Variants in DDX49 observed in about 807,000 individuals in gnomAD.
DDX49 encodes DEAD-box helicase 49, also known as probable ATP-dependent RNA helicase DDX49.
DDX49 carries 50 observed loss-of-function variants against 56.3 expected under a neutral mutation model. The observed-to-expected ratio is 0.89, with a 90% CI of 0.71 to 1.12. The LOEUF (loss-of-function observed/expected upper bound fraction) is 1.12, where lower values mean the gene tolerates loss of function less well. Ranked by LOEUF, DDX49 falls within the 50% of genes most tolerant of loss-of-function variation. The pLI, the probability that DDX49 is intolerant of heterozygous loss-of-function variation, is 0.00. For missense variants in DDX49, 614 were observed against 650.5 expected, an observed-to-expected ratio of 0.94 and a Z score of 0.61; for synonymous variants, 269 against 270.6, an observed-to-expected ratio of 0.99 and a Z score of 0.06.
chr19:18,923,042 C>G (rs2056932252), intron 6 of DDX49, among the ~76,000 whole-genome samples: 1 of 152,216 alleles, frequency 6.6e-6, no homozygotes, highest in Non-Finnish European at 1.5e-5. Flanking sequence ...TTAGTCCCAT[C>G]TCAGAGGAAG....
rs1320991782 is a variant in DDX49 at position 18,927,786 on chromosome 19, T to C, written c.1123T>C (p.Ser375Pro). 3.1e-6 allele frequency: 5 copies of C among 1,613,670 alleles called. No individual in the cohort carries two copies. In the African/African-American group the frequency reaches 6.7e-5, roughly 22 times the overall value. Reference sequence around the variant, plus strand: ...CACAGAGAAGAAGCTGGAGGAGTTCTCCGTGGAAGAGGCCGAGGTGCTACA... The same window carrying C: ...CACAGAGAAGAAGCTGGAGGAGTTCCCCGTGGAAGAGGCCGAGGTGCTACA... Reference protein sequence around the residue: ...EQIKKKLEEFSVEEAEVLQIL... With the variant: ...EQIKKKLEEFPVEEAEVLQIL... The change falls in exon 11 of 13, where the codon TCC becomes CCC. Residue 375 changes from serine to proline, a missense_variant. Transcript: ENST00000247003.
intron 1 of DDX49, 69 bp downstream of exon 1, chr19:18,919,925 C>A: frequency 1.6e-6 from 2 of 1,259,864 alleles, no homozygotes; most frequent in Non-Finnish European, 1.1e-6. Flanking sequence ...CTTCTCGCAA[C>A]CTTTGCTTAT....
intron 1 of DDX49, 67 bp downstream of exon 1, chr19:18,919,923 A>G (rs1417031530): frequency 3.1e-6 from 4 of 1,275,046 alleles, no homozygotes; most frequent in Non-Finnish European, 4.3e-6. Context: ...CCCTTCTCGC[A>G]ACCTTTGCTT....
Position 18,922,451 on chromosome 19 carries a change from C to CA in DDX49, c.574dup (p.Thr192AsnfsTer37). 3.7e-6 allele frequency: 6 copies of CA among 1,604,698 alleles called. No individual in the cohort carries two copies. The highest frequency in any genetic ancestry group is 1.3e-5 in the African/African-American group (1 of 75,006). On this transcript the variant is annotated frameshift_variant, in exon 5 of 13. Transcript: ENST00000247003. LOFTEE classifies it high-confidence loss of function. ...TGCTGTTCAGCGCCACGCTGACCGA[C>CA]ACACTCCGGGAGCTGCAGGGTCTGG... is the stretch of plus-strand genomic sequence containing the variant.
At chr19:18,926,695 TG>T (rs984718870) in intron 10 of DDX49, among the ~76,000 whole-genome samples, 9 of 152,250 alleles carry the variant, frequency 5.9e-5, no homozygotes, top group Non-Finnish European at 1.3e-4. Context: ...TAAAAACCCC[TG>T]GGAATGGTTT....
rs780497270 is a variant in DDX49 at position 18,924,325 on chromosome 19, G to GC, written c.852+20dup. The GC allele has an allele frequency of 1.3e-6, 2 of 1,587,254 alleles. No individual in the cohort carries two copies. The highest frequency in any genetic ancestry group is 1.1e-5 in the South Asian group (1 of 90,270). On this transcript the variant is annotated intron_variant, in intron 7 of 12. Coordinates refer to ENST00000247003, the MANE Select transcript of DDX49 (RefSeq NM_019070.5). ...ATGAAGCAGGTGAGGCCACCCTGGG[G>GC]CCCGCCAGCCTCACCCTGGGATACC...
At chr19:18,925,098 G>A in intron 9 of DDX49, 119 bp downstream of exon 9, 1 of 1,313,794 alleles carries the variant, frequency 7.6e-7, no homozygotes, top group Non-Finnish European at 1.0e-6. Context: ...TCAGGGCCAT[G>A]TTTGCAAGTT....
In DDX49 at chr19:18,922,399, C is replaced by T. The variant is rs199502364; in HGVS notation, c.521C>T (p.Ala174Val). 54 of 1,610,626 alleles carry T rather than the reference C, an allele frequency of 3.4e-5. 1 individual carries two copies. The Middle Eastern group carries it at 5.0e-4, about 15-fold the overall frequency. ...ACCGTGGACCTGGAGGCCATCCTGG[C>T]GGCTGTGCCGGCCCGCAGGCAGACA... The part of the protein sequence containing the change: ...DFTVDLEAIL[A>V]AVPARRQTLL... The change falls in exon 5 of 13, where the codon GCG becomes GTG. Residue 174 changes from alanine (A) to valine (V), a missense_variant. Physicochemically the swap from Ala to Val is moderately conservative, Grantham distance 64 (BLOSUM62 0). Coordinates refer to ENST00000247003, the MANE Select transcript of DDX49 (RefSeq NM_019070.5).
chr19:18,919,865 G>C lies in DDX49; in HGVS notation c.115+9G>C. 6.4e-7 allele frequency: 1 copy of C among 1,563,406 alleles called. No individual in the cohort carries two copies. The highest frequency in any genetic ancestry group is 1.1e-5 in the South Asian group (1 of 88,244). On this transcript the variant is annotated intron_variant, in intron 1 of 12. Coordinates refer to ENST00000247003, the MANE Select transcript of DDX49 (RefSeq NM_019070.5). ...CCCCGCCATCCTGGAGGGTGAGTAT[G>C]GCCCAGGGCCTTCCCCAAGAGGCCT...
intron 10 of DDX49, among the ~76,000 whole-genome samples, chr19:18,927,367 C>A (rs914484869): frequency 6.6e-6 from 1 of 151,938 alleles, no homozygotes; most frequent in Non-Finnish European, 1.5e-5. Context: ...AGAGTAAGAC[C>A]CTGTCTTCAA....
intron 5 of DDX49, 30 bp from the exon 6 acceptor site, chr19:18,922,574 A>C: frequency 6.2e-7 from 1 of 1,602,214 alleles, no homozygotes; most frequent in Non-Finnish European, 8.5e-7. Context: ...AGGGACACTG[A>C]GGCGTGGCGG....
Position 18,921,958 on chromosome 19 carries a change from C to A in DDX49, c.441C>A (p.Arg147=). The change falls in exon 4 of 13, where the codon CGC becomes CGA. Residue 147 remains arginine (R), a synonymous_variant. Coordinates refer to ENST00000247003, the MANE Select transcript of DDX49 (RefSeq NM_019070.5). The part of the protein sequence containing the change: ...SSNTFSIKKI[R]FLVMDEADRL... Reference sequence around the variant, plus strand: ...ACACTTTTAGTATAAAGAAGATCCGCTTCCTGGTGAGTTCGCCCCGCCCCT... The same window carrying A: ...ACACTTTTAGTATAAAGAAGATCCGATTCCTGGTGAGTTCGCCCCGCCCCT... 6.2e-7 allele frequency: 1 copy of A among 1,608,016 alleles called. No homozygotes were observed. Among genetic ancestry groups the A allele is most frequent in the Non-Finnish European group, 8.5e-7 (1 of 1,176,186 alleles).
intron 2 of DDX49, among the ~76,000 whole-genome samples, chr19:18,921,413 AG>A (rs1467492038): frequency 6.6e-6 from 1 of 152,116 alleles, no homozygotes; most frequent in East Asian, 1.9e-4. Flanking sequence ...GGGAAGGCAC[AG>A]GTTTGGGATA....
rs143787772 is a variant in DDX49, at chr19:18,924,669, G to A, written c.899G>A (p.Arg300Gln). The change falls in exon 8 of 13, where the codon CGG (arginine) becomes CAG (glutamine). Residue 300 changes from arginine to glutamine, a missense_variant. Transcript: ENST00000247003. ...GCCAAGTTCAAGTCCAGCATCTACC[G>A]GATCCTGATCGCAACAGACGTGGCC... is the stretch of plus-strand genomic sequence containing the variant. ...ALAKFKSSIY[R>Q]ILIATDVASR... 4.0e-5 allele frequency: 64 copies of A among 1,614,070 alleles called. No homozygotes were observed. The highest frequency in any genetic ancestry group is 4.4e-5 in the Non-Finnish European group (52 of 1,180,042).
rs1042275201 is a variant in DDX49 at position 18,924,432 on chromosome 19, A to G, written c.852+124A>G. 2.5e-5 allele frequency: 28 copies of G among 1,128,836 alleles called. No homozygotes were observed. The African/African-American group carries it at 4.3e-4, about 17-fold the overall frequency. 69.9% of individuals were successfully genotyped at this position (1,128,836 alleles called of 1,614,324 possible). On this transcript the variant is annotated intron_variant, in intron 7 of 12. Coordinates refer to ENST00000247003, the MANE Select transcript of DDX49 (RefSeq NM_019070.5). The stretch of plus-strand genomic sequence containing the variant: ...CCACCTGGTCTCTTCTGGTCCCAGA[A>G]TATCGCAGCTCAAGAGGCCCTCCCT...
chr19:18,926,572 T>A (rs1224422111), intron 10 of DDX49, among the ~76,000 whole-genome samples, 195 bp downstream of exon 10: 3 of 152,140 alleles, frequency 2.0e-5, no homozygotes, highest in African/African-American at 7.2e-5. Context: ...TCCCCATAGT[T>A]GTCGCCAGCA....
rs999453 is a variant in DDX49, at chr19:18,924,608, C to T, written c.853-15C>T. On this transcript the variant is annotated splice_polypyrimidine_tract_variant and intron_variant, in intron 7 of 12. Coordinates refer to ENST00000247003, the MANE Select transcript of DDX49 (RefSeq NM_019070.5). ...GCCTTCATGCATTCCCAATTTTCTT[C>T]CCAACCCTGTGCAGAAAGAACGCTT... 1,001 of 1,614,174 alleles carry T rather than the reference C, an allele frequency of 6.2e-4. 6 individuals carry two copies. The African/African-American group carries it at 0.012, about 19-fold the overall frequency.
At chr19:18,922,765 C>A in intron 6 of DDX49, 21 bp downstream of exon 6, 3 of 1,605,638 alleles carry the variant, frequency 1.9e-6, no homozygotes, top group Non-Finnish European at 2.6e-6. Flanking sequence ...CCCGCCTCTC[C>A]CCTCCCACCG....
At position 18,928,415 on chromosome 19, in the gene DDX49, A is replaced by G; in HGVS notation, c.*99A>G. On this transcript the variant is annotated 3_prime_UTR_variant, in exon 13 of 13. Transcript: ENST00000247003. ...AGCAGCCCTTCCCGGGGGCCTACCCAGTGCCCCACAGCAGAACCCGTGGGC... is the reference window on the plus strand; with the variant it reads ...AGCAGCCCTTCCCGGGGGCCTACCCGGTGCCCCACAGCAGAACCCGTGGGC... 8.2e-7 allele frequency: 1 copy of G among 1,218,348 alleles called. No homozygotes were observed. Among genetic ancestry groups the G allele is most frequent in the Non-Finnish European group, 1.1e-6 (1 of 901,680 alleles). The allele number at this position is 1,218,348 out of a possible 1,614,324, so 75.5% of individuals were successfully genotyped here. A position where few individuals can be genotyped will look rare whatever the true frequency, so the allele number is the denominator to read the frequency against.
Sources: gnomAD v4.1 joint callset for allele counts (sites outside exome capture counted in the v4.1 genomes callset) on GRCh38, gnomAD v4.1.1 for gene constraint, MANE v1.5 for transcripts, NCBI Gene and HGNC (gene_info 2026-07-23, HGNC 2026-07-21) for gene names.